Variants in NEDD4L observed in about 807,000 individuals in gnomAD.
NEDD4L encodes the protein E3 ubiquitin-protein ligase NEDD4-like.
A neutral mutation model predicts 148.9 loss-of-function variants in NEDD4L; 54 were observed. The ratio of observed to expected loss-of-function variants is 0.36; its 90% CI spans 0.29 to 0.45. NEDD4L has a LOEUF of 0.45. Ranked by LOEUF, NEDD4L falls within the 20% of genes least tolerant of loss-of-function variation. The pLI, the probability that NEDD4L is intolerant of heterozygous loss-of-function variation, is 1.00. For missense variants in NEDD4L, 856 were observed against 1,233.8 expected, an observed-to-expected ratio of 0.69 and a Z score of 4.59; for synonymous variants, 433 against 440.7, an observed-to-expected ratio of 0.98 and a Z score of 0.22.
intron 2 of NEDD4L, among the ~76,000 whole-genome samples, chr18:58,175,125 A>AG (rs57278688): frequency 0.25 from 37,513 of 152,114 alleles, 5,383 homozygotes; most frequent in East Asian, 0.42. Context: ...AAACAAAAAA[A>AG]TGCAAATCCT....
chr18:58,266,099 T>C (rs2050183126), intron 5 of NEDD4L, among the ~76,000 whole-genome samples: 1 of 152,058 alleles, frequency 6.6e-6, no homozygotes, highest in African/African-American at 2.4e-5. Context: ...AAAAGGGAAA[T>C]ATAAACCATA....
chr18:58,324,336 C>T (rs2059118137), intron 8 of NEDD4L, among the ~76,000 whole-genome samples: 1 of 152,154 alleles, frequency 6.6e-6, no homozygotes, highest in African/African-American at 2.4e-5. Flanking sequence ...AAATGGAACT[C>T]GAATTTTGGT....
At chr18:58,233,019 C>T (rs1036097794) in intron 2 of NEDD4L, among the ~76,000 whole-genome samples, 2 of 152,174 alleles carry the variant, frequency 1.3e-5, no homozygotes, top group Non-Finnish European at 2.9e-5. Context: ...CCCTGAAAAC[C>T]AAAGACATCT....
chr18:58,289,687 A>T (rs552536147), intron 5 of NEDD4L, among the ~76,000 whole-genome samples: 1 of 152,338 alleles, frequency 6.6e-6, no homozygotes, highest in South Asian at 2.1e-4. Flanking sequence ...GGAAGCCTCC[A>T]CTTGACACCG....
chr18:58,056,430 A>G (rs4329992), intron 1 of NEDD4L, among the ~76,000 whole-genome samples: 113,453 of 151,844 alleles, frequency 0.75, 42,862 homozygotes, highest in East Asian at 0.98. Context: ...CAATTAGGAA[A>G]TGTTCACCTA....
chr18:58,330,699 T>C, intron 10 of NEDD4L, 39 bp from the exon 11 acceptor site: 1 of 708,208 alleles, frequency 1.4e-6, no homozygotes, highest in Non-Finnish European at 1.9e-6. Flanking sequence ...GATCCCTACT[T>C]CTTTCTAGTG....
intron 16 of NEDD4L, among the ~76,000 whole-genome samples, chr18:58,347,521 A>G (rs2043255671): frequency 6.6e-6 from 1 of 152,120 alleles, no homozygotes; most frequent in African/African-American, 2.4e-5. Flanking sequence ...CCAGTCATGA[A>G]TGTTTACCAG....
At chr18:58,258,602 C>T (rs2048915729) in intron 5 of NEDD4L, among the ~76,000 whole-genome samples, 1 of 152,190 alleles carries the variant, frequency 6.6e-6, no homozygotes, top group South Asian at 2.1e-4. Context: ...CAAGTTTCTA[C>T]ACATTTGGAG....
chr18:58,215,078 C>G (rs2043030811), intron 2 of NEDD4L, among the ~76,000 whole-genome samples: 1 of 152,246 alleles, frequency 6.6e-6, no homozygotes, highest in South Asian at 2.1e-4. Context: ...TCCCAAAGTG[C>G]TAGGATTACA....
At chr18:58,264,976 A>G (rs1200068943) in intron 5 of NEDD4L, among the ~76,000 whole-genome samples, 1 of 152,086 alleles carries the variant, frequency 6.6e-6, no homozygotes, top group African/African-American at 2.4e-5. Context: ...CAGTTTCACA[A>G]ACAGATGGGA....
chr18:58,394,091 A>G (rs8086848), intron 30 of NEDD4L, among the ~76,000 whole-genome samples: 84,186 of 152,012 alleles, frequency 0.55, 23,533 homozygotes, highest in East Asian at 0.63. Context: ...AGCTCCTTAA[A>G]GTCACCCAGC....
intron 1 of NEDD4L, among the ~76,000 whole-genome samples, chr18:58,152,460 C>T (rs1379754418): frequency 6.6e-6 from 1 of 152,238 alleles, no homozygotes; most frequent in African/African-American, 2.4e-5. Flanking sequence ...CCTTCTCACA[C>T]ATTTCCATCC....
chr18:58,078,872 T>C (rs567054065), intron 1 of NEDD4L, among the ~76,000 whole-genome samples: 48 of 152,266 alleles, frequency 3.2e-4, no homozygotes, highest in African/African-American at 1.0e-3. Context: ...GAAAACAGAC[T>C]GCTGGATTGC....
intron 5 of NEDD4L, among the ~76,000 whole-genome samples, chr18:58,302,380 G>A (rs1169126471): frequency 6.6e-6 from 1 of 152,124 alleles, no homozygotes; most frequent in Non-Finnish European, 1.5e-5. Context: ...TTTTTTAAGG[G>A]ATACTTTCTA....
rs2050751388 is a variant in NEDD4L at position 58,400,053 on chromosome 18, A to G, written c.*3784A>G. 1 of 152,348 alleles carries G rather than the reference A, an allele frequency of 6.6e-6. No homozygotes were observed. Among genetic ancestry groups the G allele is most frequent in the South Asian group, 2.1e-4 (1 of 4,824 alleles). 9.4% of individuals were successfully genotyped at this position (152,348 alleles called of 1,614,324 possible). ...TGGGTTAATCAGTTCTGCAGCCCCTACGTGACACTGTGCTAGTTCTCCTTC... is the reference window on the plus strand; with the variant it reads ...TGGGTTAATCAGTTCTGCAGCCCCTGCGTGACACTGTGCTAGTTCTCCTTC... On this transcript the variant is annotated 3_prime_UTR_variant, in exon 31 of 31. Transcript: ENST00000400345.
rs2043191210 is a variant in NEDD4L at position 58,347,206 on chromosome 18, C to CG, written c.1576-2331_1576-2330insG. Among the ~76,000 whole-genome samples the CG allele has an allele frequency of 9.9e-4, 5 of 5,076 alleles. No individual in the cohort carries two copies. The South Asian group carries it at 0.061, about 62-fold the overall frequency. 3.3% of individuals were successfully genotyped at this position (5,076 alleles called of 152,430 possible). On this transcript the variant is annotated intron_variant, in intron 16 of 30. Coordinates refer to ENST00000400345, the MANE Select transcript of NEDD4L (RefSeq NM_001144967.3). ...ATTTCAGCTTCTTTTCACGCTACGG[C>CG]CCCCCCCGCCCCCCCCCCCCCTTTA...
intron 9 of NEDD4L, among the ~76,000 whole-genome samples, chr18:58,328,190 C>G (rs2059476893): frequency 6.6e-6 from 1 of 152,082 alleles, no homozygotes; most frequent in African/African-American, 2.4e-5. Context: ...GTCTTGAGCT[C>G]CTGACCTCAA....
intron 2 of NEDD4L, among the ~76,000 whole-genome samples, chr18:58,229,381 A>T (rs1041980478): frequency 6.6e-6 from 1 of 152,116 alleles, no homozygotes; most frequent in Non-Finnish European, 1.5e-5. Flanking sequence ...CCAGCATAGC[A>T]GATGGCACGG....
chr18:58,160,331 G>T (rs984720243), intron 1 of NEDD4L, among the ~76,000 whole-genome samples: 2 of 152,140 alleles, frequency 1.3e-5, no homozygotes, highest in African/African-American at 4.8e-5. Flanking sequence ...TATGGCTCGG[G>T]CACCTTATCT....
Sources: gnomAD v4.1 joint callset for allele counts (sites outside exome capture counted in the v4.1 genomes callset) on GRCh38, gnomAD v4.1.1 for gene constraint, MANE v1.5 for transcripts, NCBI Gene and HGNC (gene_info 2026-07-23, HGNC 2026-07-21) for gene names.